GRM7: variants seen among roughly 807,000 people sequenced by gnomAD.
GRM7 encodes the protein metabotropic glutamate receptor 7.
GRM7 carries 35 observed loss-of-function variants against 84.5 expected under a neutral mutation model. That is an observed-to-expected ratio of 0.41 (90% CI 0.32 to 0.55). The LOEUF (loss-of-function observed/expected upper bound fraction) is 0.55. Among genes scored for constraint, GRM7 ranks in the 20% least tolerant of loss-of-function variants. GRM7 has a pLI of 0.19. For missense variants in GRM7, 1,003 were observed against 1,194.6 expected (o/e 0.84, Z 2.36); for synonymous variants, 487 against 455.1 (o/e 1.07, Z -0.89).
At chr3:6,922,194 T>C (rs1697151038) in intron 1 of GRM7, among the ~76,000 whole-genome samples, 1 of 152,250 alleles carries the variant, frequency 6.6e-6, no homozygotes, top group Non-Finnish European at 1.5e-5. Context: ...TAACCTATCA[T>C]ACTACTTAAA....
At chr3:7,715,872 G>C (rs937550331) in intron 9 of GRM7, among the ~76,000 whole-genome samples, 2 of 152,008 alleles carry the variant, frequency 1.3e-5, no homozygotes, top group Non-Finnish European at 2.9e-5. Flanking sequence ...TTCTTCACTT[G>C]CTACTGCAGG....
At chr3:7,152,859 T>G (rs1335829536) in intron 2 of GRM7, among the ~76,000 whole-genome samples, 3 of 152,230 alleles carry the variant, frequency 2.0e-5, no homozygotes, top group African/African-American at 7.2e-5. Context: ...CAGTCAGATA[T>G]TCATGTTCCT....
At chr3:6,973,000 G>C (rs143198412) in intron 1 of GRM7, among the ~76,000 whole-genome samples, 151 of 152,296 alleles carry the variant, frequency 9.9e-4, no homozygotes, top group African/African-American at 3.4e-3. Context: ...AATAATATGA[G>C]AGTCAGTTTT....
At position 7,240,586 on chromosome 3, in the gene GRM7, C is replaced by A. The variant is rs191792288; in HGVS notation, c.737-58098C>A. Reference sequence around the variant, plus strand: ...AGAGGCATATGTCTCAGGCTTCAAACCTGAAATATTCATCTCCCATTTTTA... The same window carrying A: ...AGAGGCATATGTCTCAGGCTTCAAAACTGAAATATTCATCTCCCATTTTTA... On this transcript the variant is annotated intron_variant, in intron 2 of 9. Transcript: ENST00000357716. 5.6e-3 allele frequency among the ~76,000 whole-genome samples: 846 copies of A among 152,188 alleles called. 8 individuals carry two copies. Among genetic ancestry groups the A allele is most frequent in the Middle Eastern group, 0.027 (8 of 294 alleles).
At chr3:7,550,802 G>T (rs1693431234) in intron 7 of GRM7, among the ~76,000 whole-genome samples, 1 of 152,010 alleles carries the variant, frequency 6.6e-6, no homozygotes, top group African/African-American at 2.4e-5. Flanking sequence ...CAGATCTGTA[G>T]TTGGATGGTG....
At chr3:7,173,779 A>G (rs1444540492) in intron 2 of GRM7, among the ~76,000 whole-genome samples, 2 of 152,126 alleles carry the variant, frequency 1.3e-5, no homozygotes, top group East Asian at 3.8e-4. Context: ...TCACTACTTC[A>G]TAGAAGCCTA....
chr3:7,519,662 G>A (rs1700519944), intron 7 of GRM7: 1 of 152,174 alleles, frequency 6.6e-6, no homozygotes, highest in African/African-American at 2.4e-5. Flanking sequence ...AGGCACCTGA[G>A]ACCTGTTTCT....
chr3:7,276,247 G>GTA (rs1559546461), intron 2 of GRM7, among the ~76,000 whole-genome samples: 131 of 148,330 alleles, frequency 8.8e-4, no homozygotes, highest in African/African-American at 3.2e-3. Context: ...GTGTGTGTGT[G>GTA]TGTATATATA....
At chr3:7,329,752 T>C (rs919364145) in intron 4 of GRM7, among the ~76,000 whole-genome samples, 5 of 152,198 alleles carry the variant, frequency 3.3e-5, no homozygotes, top group Admixed American at 6.5e-5. Context: ...TGTTTATATT[T>C]CCTTTAAACT....
chr3:7,048,006 T>A (rs1696861636), intron 1 of GRM7, among the ~76,000 whole-genome samples: 2 of 151,992 alleles, frequency 1.3e-5, no homozygotes, highest in African/African-American at 4.8e-5. Flanking sequence ...TTAAATAACT[T>A]CCTCTGACAT....
intron 2 of GRM7, among the ~76,000 whole-genome samples, chr3:7,226,273 G>T (rs1014266388): frequency 1.3e-5 from 2 of 152,176 alleles, no homozygotes; most frequent in Non-Finnish European, 2.9e-5. Flanking sequence ...CATGGTGTCA[G>T]CCTGGCTGGG....
At chr3:6,894,182 A>T (rs1178290275) in intron 1 of GRM7, among the ~76,000 whole-genome samples, 1 of 152,140 alleles carries the variant, frequency 6.6e-6, no homozygotes, top group Non-Finnish European at 1.5e-5. Context: ...CACCTAGTTC[A>T]TTTCTCTCTG....
rs757153841 is a variant in GRM7 at position 7,486,382 on chromosome 3, C to CA, written c.1515+24662dup. Among the ~76,000 whole-genome samples, 7 of 152,062 alleles carry CA rather than the reference C, an allele frequency of 4.6e-5. No homozygotes were observed. Among genetic ancestry groups the CA allele is most frequent in the Non-Finnish European group, 8.8e-5 (6 of 68,022 alleles). ...GACTTGTCCTCAGCAAAACTGAGGA[C>CA]AAGTTTTGCTGTTGAGGCTTGGTCT... On this transcript the variant is annotated intron_variant, in intron 7 of 9. Coordinates refer to ENST00000357716, the MANE Select transcript of GRM7 (RefSeq NM_000844.4). The surrounding 1 kb of genome is among the most constrained non-coding windows in gnomAD (Gnocchi z 5.5).
At chr3:7,140,537 C>T (rs2125061983) in intron 1 of GRM7, among the ~76,000 whole-genome samples, 1 of 152,036 alleles carries the variant, frequency 6.6e-6, no homozygotes, top group South Asian at 2.1e-4. Context: ...CTCTCTGTGT[C>T]ATAGGTTCTT....
chr3:7,598,310 G>C (rs183941592), intron 8 of GRM7, among the ~76,000 whole-genome samples: 5 of 152,302 alleles, frequency 3.3e-5, no homozygotes, highest in African/African-American at 9.6e-5. Flanking sequence ...GCAGGAGCAG[G>C]GGAACAGTTA....
intron 8 of GRM7, among the ~76,000 whole-genome samples, chr3:7,584,866 A>G (rs190425691): frequency 6.6e-6 from 1 of 152,330 alleles, no homozygotes; most frequent in Admixed American, 6.5e-5. Context: ...AATTTAGAAA[A>G]TAACATTGCC....
intron 7 of GRM7, among the ~76,000 whole-genome samples, chr3:7,570,666 C>T (rs28825777): frequency 0.061 from 9,360 of 152,256 alleles, 754 homozygotes; most frequent in African/African-American, 0.19. Context: ...TCCACACACA[C>T]GATACAAGTT....
At chr3:7,229,849 T>C (rs1339687401) in intron 2 of GRM7, among the ~76,000 whole-genome samples, 2 of 132,276 alleles carry the variant, frequency 1.5e-5, no homozygotes. Context: ...CTTTTTTTTT[T>C]TTTTTTTTGA....
chr3:7,103,854 C>CTCTTTCTTTCTTTCTT lies in GRM7; in HGVS notation c.520-42595_520-42580dup, dbSNP rs140927280. On this transcript the variant is annotated intron_variant, in intron 1 of 9. Transcript: ENST00000357716. ...TGTCTCTCTCTCCCTCTCTCTCTCT[C>CTCTTTCTTTCTTTCTT]TCTTTCTTTCTTTCTTTCCCATTTC... is the stretch of plus-strand genomic sequence containing the variant. 2.0e-4 allele frequency among the ~76,000 whole-genome samples: 25 copies of CTCTTTCTTTCTTTCTT among 123,672 alleles called. 2 individuals are homozygous for CTCTTTCTTTCTTTCTT. Among genetic ancestry groups the CTCTTTCTTTCTTTCTT allele is most frequent in the African/African-American group, 9.1e-4 (25 of 27,500 alleles). 81.1% of individuals were successfully genotyped at this position (123,672 alleles called of 152,430 possible). A position where few individuals can be genotyped will look rare whatever the true frequency, so the allele number is the denominator to read the frequency against.
Sources: allele counts gnomAD v4.1 joint callset (sites outside exome capture counted in the v4.1 genomes callset), GRCh38; gene constraint gnomAD v4.1.1; non-coding constraint Gnocchi (gnomAD v3.1); transcripts MANE v1.5; gene names NCBI Gene and HGNC (gene_info 2026-07-23, HGNC 2026-07-21).